The following ZNF33B variants were observed in gnomAD, a reference collection of about 807,000 sequenced individuals.
The protein encoded by ZNF33B is zinc finger protein 11b (KOX 2).
In ZNF33B, 29 loss-of-function variants were observed where a neutral mutation model predicts 45.8. That is an observed-to-expected ratio of 0.63 (90% CI 0.47 to 0.86). The LOEUF is 0.86. ZNF33B is among the 40% of genes least tolerant of loss of function. ZNF33B has a pLI of 0.00. For missense variants in ZNF33B, 831 were observed against 909.9 expected (o/e 0.91, Z 1.12); for synonymous variants, 305 against 307.8 (o/e 0.99, Z 0.10).
chr10:42,594,497 A>C lies in ZNF33B; in HGVS notation c.453T>G (p.Thr151=). The part of the protein sequence containing the change: ...QYDSRGMSFN[T]VSELVISKIN... ...TCTTACTGATAACCAATTCTGAAAC[A>C]GTGTTGAAACTCATTCCACGTGAGT... Residue 151 remains threonine, a synonymous_variant, in exon 5 of 5, where the codon ACT becomes ACG. Coordinates refer to ENST00000359467, the MANE Select transcript of ZNF33B (RefSeq NM_006955.3). The C allele has an allele frequency of 6.2e-7, 1 of 1,613,088 alleles. No individual in the cohort carries two copies. The highest frequency in any genetic ancestry group is 1.7e-5 in the Admixed American group (1 of 59,860).
chr10:42,575,230 C>T (rs1001313882), intron 1 of ZNF33B, among the ~76,000 whole-genome samples: 1 of 152,162 alleles, frequency 6.6e-6, no homozygotes, highest in African/African-American at 2.4e-5. Context: ...TTATGGATCA[C>T]TCAGGGAGCT....
At chr10:42,585,793 C>T (rs116075012), downstream of ZNF33B, among the ~76,000 whole-genome samples, 2,544 of 152,256 alleles carry the variant, frequency 0.017, 76 homozygotes, top group African/African-American at 0.058. Context: ...AAGTTTAAGC[C>T]TCTTGGTTGT....
At chr10:42,613,835 A>T (rs558907655) in intron 4 of ZNF33B, among the ~76,000 whole-genome samples, 2 of 152,340 alleles carry the variant, frequency 1.3e-5, no homozygotes, top group Non-Finnish European at 2.9e-5. Flanking sequence ...GCACACCATT[A>T]GCCCCTATCT....
chr10:42,610,290 C>A lies in ZNF33B; in HGVS notation c.251-15591G>T, dbSNP rs149685426. Among the ~76,000 whole-genome samples, 999 of 152,270 alleles carry A rather than the reference C, an allele frequency of 6.6e-3. 14 individuals are homozygous for A. Among genetic ancestry groups the A allele is most frequent in the African/African-American group, 0.023 (958 of 41,544 alleles). ...ATGGCTCAAGCCTGTAATCCCAGCA[C>A]TTTGGAATGCCGAGGTGGCTGGATC... On this transcript the variant is annotated intron_variant, in intron 4 of 4. Transcript: ENST00000359467.
At chr10:42,575,348 G>A (rs1490704134) in intron 1 of ZNF33B, among the ~76,000 whole-genome samples, 1 of 152,132 alleles carries the variant, frequency 6.6e-6, no homozygotes, top group Non-Finnish European at 1.5e-5. Flanking sequence ...CAGCAGGAAA[G>A]AAATGAGAAA....
Position 42,589,941 on chromosome 10 carries a change from T to A in ZNF33B, c.*2672A>T, listed in dbSNP as rs1370106140. The A allele has an allele frequency of 6.6e-6, 1 of 152,222 alleles. No homozygotes were observed. The highest frequency in any genetic ancestry group is 1.5e-5 in the Non-Finnish European group (1 of 68,042). 9.4% of individuals were successfully genotyped at this position (152,222 alleles called of 1,614,324 possible). On this transcript the variant is annotated 3_prime_UTR_variant, in exon 5 of 5. Coordinates refer to ENST00000359467, the MANE Select transcript of ZNF33B (RefSeq NM_006955.3). ...CTAGATGTAGGGTTTTTTGTAGTAGTTCTTTATCAAATTGAGTAAGTTCTC... is the reference window on the plus strand; with the variant it reads ...CTAGATGTAGGGTTTTTTGTAGTAGATCTTTATCAAATTGAGTAAGTTCTC...
At position 42,632,390 on chromosome 10, in the gene ZNF33B, C is replaced by G. The variant is rs762828532; in HGVS notation, c.59G>C (p.Gly20Ala). 4.3e-6 allele frequency: 7 copies of G among 1,613,910 alleles called. No individual in the cohort carries two copies. Among genetic ancestry groups the G allele is most frequent in the Non-Finnish European group, 5.9e-6 (7 of 1,179,974 alleles). ...GSVSFKDVTV[G>A]FTQEEWQHLD... ...GTGCTGCCACTCCTCCTGGGTGAAG[C>G]CCACAGTCACATCTTTAAATGATAC... Residue 20 changes from glycine (G) to alanine (A), a missense_variant, in exon 3 of 5, where the codon GGC becomes GCC. Coordinates refer to ENST00000359467, the MANE Select transcript of ZNF33B (RefSeq NM_006955.3).
chr10:42,593,690 T>A lies in ZNF33B; in HGVS notation c.1260A>T (p.Lys420Asn). The change falls in exon 5 of 5, where the codon AAA becomes AAT. Residue 420 changes from lysine (K) to asparagine (N), a missense_variant. Coordinates refer to ENST00000359467, the MANE Select transcript of ZNF33B (RefSeq NM_006955.3). ...TGAGGTCAGATTTCTGGTAAAAAGT[T>A]TTCCCACATGCATTACACTGATAGG... ...EKPYQCNACG[K>N]TFYQKSDLTK... 6.2e-7 allele frequency: 1 copy of A among 1,613,620 alleles called. No homozygotes were observed. Among genetic ancestry groups the A allele is most frequent in the Admixed American group, 1.7e-5 (1 of 59,984 alleles).
intron 2 of ZNF33B, among the ~76,000 whole-genome samples, chr10:42,636,127 CAAAAAAAT>C (rs1488750361): frequency 9.3e-5 from 14 of 150,992 alleles, no homozygotes; most frequent in African/African-American, 2.7e-4. Flanking sequence ...GACTCTGTCT[CAAAAAAAT>C]AAAAAAATAA....
exon 2 of ZNF33B, chr10:42,574,283 G>A (rs546157432): frequency 3.3e-5 from 5 of 151,976 alleles, no homozygotes; most frequent in African/African-American, 1.2e-4. Context: ...GGCCTATGGA[G>A]GGCTTAGCCC....
rs761295284 is a variant in ZNF33B at position 42,592,772 on chromosome 10, A to G, written c.2178T>C (p.Cys726=). ...CTGATTTACGGTAAAAGATTTTTCCACATTCATTACACTGACAAGATTTCT... is the reference window on the plus strand; with the variant it reads ...CTGATTTACGGTAAAAGATTTTTCCGCATTCATTACACTGACAAGATTTCT... ...TGEKSCQCNE[C]GKIFYRKSDL... is the part of the protein sequence containing the mutation. The change falls in exon 5 of 5, where the codon TGT becomes TGC. Residue 726 remains cysteine (C), a synonymous_variant. Transcript: ENST00000359467. 133 of 1,614,002 alleles carry G rather than the reference A, an allele frequency of 8.2e-5. No homozygotes were observed. The highest frequency in any genetic ancestry group is 1.6e-4 in the Middle Eastern group (1 of 6,084).
Position 42,636,750 on chromosome 10 carries a change from G to T in ZNF33B, c.9+170C>A, listed in dbSNP as rs370053021. 7.7e-5 allele frequency: 63 copies of T among 817,014 alleles called. 1 individual carries two copies. The African/African-American group carries it at 9.5e-4, about 12-fold the overall frequency. The allele number at this position is 817,014 out of a possible 1,614,324, so 50.6% of individuals were successfully genotyped here. A position where few individuals can be genotyped will look rare whatever the true frequency, so the allele number is the denominator to read the frequency against. On this transcript the variant is annotated intron_variant, in intron 2 of 4. Transcript: ENST00000359467. ...CAGGTGAATTGCTTGAACCCAGGAG[G>T]CAGAGGTTGCAAGGTTGCAGTGAAC...
At chr10:42,625,038 TTA>T (rs58614890) in intron 4 of ZNF33B, among the ~76,000 whole-genome samples, 56,735 of 145,280 alleles carry the variant, frequency 0.39, 10,838 homozygotes, top group East Asian at 0.51. Flanking sequence ...GTTTCATATT[TTA>T]TATATATATA....
Position 42,632,047 on chromosome 10 carries a change from G to A in ZNF33B, c.155-23C>T, listed in dbSNP as rs781715217. 3.7e-6 allele frequency: 6 copies of A among 1,611,148 alleles called. No individual in the cohort carries two copies. The East Asian group carries it at 8.9e-5, about 24-fold the overall frequency. On this transcript the variant is annotated intron_variant, in intron 3 of 4. Transcript: ENST00000359467. ...ACCCTGTTAACAGGAAATAATTTAG[G>A]ATTTGGACCAAGCAGTCTAGACTTC...
intron 1 of ZNF33B, among the ~76,000 whole-genome samples, chr10:42,583,936 C>G (rs1359788776): frequency 6.6e-6 from 1 of 152,234 alleles, no homozygotes; most frequent in Non-Finnish European, 1.5e-5. Context: ...CCCGTGAATT[C>G]CCTGGCAGCC....
At position 42,593,200 on chromosome 10, in the gene ZNF33B, G is replaced by C; in HGVS notation, c.1750C>G (p.His584Asp). ...TTGTAAAAGATTTTTCCACATTCAT[G>C]ACATTCATAGGGTTTCTCCCCCGTG... ...THTGEKPYEC[H>D]ECGKIFYNKS... The change falls in exon 5 of 5, where the codon CAT becomes GAT. Residue 584 changes from histidine (H) to aspartate (D), a missense_variant. Coordinates refer to ENST00000359467, the MANE Select transcript of ZNF33B (RefSeq NM_006955.3). The C allele has an allele frequency of 6.2e-7, 1 of 1,600,532 alleles. No homozygotes were observed.
chr10:42,624,893 C>A (rs1383487547), intron 4 of ZNF33B, among the ~76,000 whole-genome samples: 2 of 152,084 alleles, frequency 1.3e-5, no homozygotes, highest in African/African-American at 4.8e-5. Flanking sequence ...CCACAGTTGA[C>A]CTCAGGTAAC....
At chr10:42,637,902 C>T (rs1839397215) in intron 1 of ZNF33B, among the ~76,000 whole-genome samples, 2 of 152,188 alleles carry the variant, frequency 1.3e-5, no homozygotes, top group African/African-American at 4.8e-5. Flanking sequence ...ATCCACCCTC[C>T]TCGGCCTCCC....
At chr10:42,578,109 C>T (rs1836774987) in intron 1 of ZNF33B, among the ~76,000 whole-genome samples, 1 of 152,202 alleles carries the variant, frequency 6.6e-6, no homozygotes. Context: ...CTGGCCTCCG[C>T]TCAGGACTCA....
Sources: gnomAD v4.1 joint callset for allele counts (sites outside exome capture counted in the v4.1 genomes callset) on GRCh38, gnomAD v4.1.1 for gene constraint, MANE v1.5 for transcripts, NCBI Gene and HGNC (gene_info 2026-07-23, HGNC 2026-07-21) for gene names.